Variants in SOX5 observed in about 807,000 individuals in gnomAD.
The protein encoded by SOX5 is transcription factor SOX-5.
In SOX5, 9 loss-of-function variants were observed where a neutral mutation model predicts 92.0. That is an observed-to-expected ratio of 0.10 (90% CI 0.06 to 0.17). The LOEUF is 0.17. Among genes scored for constraint, SOX5 ranks in the 10% least tolerant of loss-of-function variants. SOX5 has a pLI of 1.00. For missense variants in SOX5, 642 were observed against 944.5 expected, an observed-to-expected ratio of 0.68 and a Z score of 4.20; for synonymous variants, 344 against 336.3, an observed-to-expected ratio of 1.02 and a Z score of -0.25.
chr12:24,268,308 GA>G (rs1943271135), intron 3 of SOX5, among the ~76,000 whole-genome samples: 1 of 151,968 alleles, frequency 6.6e-6, no homozygotes, highest in Non-Finnish European at 1.5e-5. Flanking sequence ...GTTGTGTTAA[GA>G]AAAAAATTAT....
At chr12:23,901,507 C>G (rs2097232716) in intron 1 of SOX5, among the ~76,000 whole-genome samples, 1 of 152,210 alleles carries the variant, frequency 6.6e-6, no homozygotes, top group Non-Finnish European at 1.5e-5. Context: ...CTACCCTAGA[C>G]ATAACGCTTG....
chr12:24,217,982 C>T (rs1959433398), intron 3 of SOX5, among the ~76,000 whole-genome samples: 1 of 152,098 alleles, frequency 6.6e-6, no homozygotes, highest in African/African-American at 2.4e-5. Flanking sequence ...ATTACAAGCA[C>T]TGGTGAGGCT....
chr12:24,273,665 A>G (rs1380342284), intron 3 of SOX5, among the ~76,000 whole-genome samples: 1 of 152,110 alleles, frequency 6.6e-6, no homozygotes, highest in African/African-American at 2.4e-5. Flanking sequence ...TCTTTGTTGT[A>G]CGACTGTTTT....
At chr12:23,563,708 T>C (rs1484194793) in intron 10 of SOX5, among the ~76,000 whole-genome samples, 1 of 152,232 alleles carries the variant, frequency 6.6e-6, no homozygotes, top group African/African-American at 2.4e-5. Context: ...CTTTAGTTAT[T>C]ATTCGAATAT....
At chr12:23,813,375 T>A (rs2095914631) in intron 3 of SOX5, among the ~76,000 whole-genome samples, 1 of 152,104 alleles carries the variant, frequency 6.6e-6, no homozygotes, top group African/African-American at 2.4e-5. Flanking sequence ...CCAGCAGCCA[T>A]CTGTCTCAGC....
chr12:24,429,135 G>C (rs1439170223), intron 1 of SOX5, among the ~76,000 whole-genome samples: 1 of 151,996 alleles, frequency 6.6e-6, no homozygotes, highest in African/African-American at 2.4e-5. Flanking sequence ...GGCTAACACG[G>C]TGAAACCCTG....
chr12:23,666,544 A>T (rs2083843723), intron 6 of SOX5, among the ~76,000 whole-genome samples: 1 of 152,174 alleles, frequency 6.6e-6, no homozygotes, highest in Non-Finnish European at 1.5e-5. Context: ...CGCTGGTGAA[A>T]ATGATTATTG....
intron 1 of SOX5, among the ~76,000 whole-genome samples, chr12:24,375,692 C>T (rs34891086): frequency 8.8e-5 from 13 of 147,374 alleles, no homozygotes; most frequent in Non-Finnish European, 1.8e-4. Context: ...GGCAAGATCA[C>T]GCCATTGCAC....
Position 24,465,026 on chromosome 12 carries a change from A to G in SOX5, c.-250-96387T>C, listed in dbSNP as rs143717658. Among the ~76,000 whole-genome samples, 17 of 152,352 alleles carry G rather than the reference A, an allele frequency of 1.1e-4. No individual in the cohort carries two copies. In the East Asian group the frequency reaches 2.7e-3, roughly 24 times the overall value. ...GATGGTGATAGTGCTCATCGGGATG[A>G]TGACAGAGATGATGACAATGATGTT... On this transcript the variant is annotated intron_variant, in intron 1 of 4. Coordinates refer to the SOX5 transcript ENST00000446891.
chr12:23,767,310 T>C (rs2094770208), intron 3 of SOX5, among the ~76,000 whole-genome samples: 1 of 151,950 alleles, frequency 6.6e-6, no homozygotes, highest in African/African-American at 2.4e-5. Context: ...TTTATGTAAG[T>C]TGCAAACAGA....
intron 1 of SOX5, 115 bp from the exon 2 acceptor site, chr12:23,896,139 A>C (rs1943377035): frequency 5.7e-6 from 4 of 705,838 alleles, no homozygotes; most frequent in East Asian, 2.6e-5. Flanking sequence ...AGCAGAGAGC[A>C]GGAAACCATC....
intron 4 of SOX5, among the ~76,000 whole-genome samples, chr12:24,037,974 C>A (rs1160310798): frequency 6.6e-6 from 1 of 152,132 alleles, no homozygotes; most frequent in Non-Finnish European, 1.5e-5. Context: ...ATGAATCATG[C>A]ATGTAAATAT....
chr12:23,653,193 AC>A (rs2081905273), intron 7 of SOX5, among the ~76,000 whole-genome samples: 1 of 151,624 alleles, frequency 6.6e-6, no homozygotes, highest in Admixed American at 6.6e-5. Flanking sequence ...TCAAAGTACT[AC>A]TCACTTGTCA....
chr12:24,072,757 T>C (rs1030229872), intron 4 of SOX5, among the ~76,000 whole-genome samples: 1 of 152,250 alleles, frequency 6.6e-6, no homozygotes, highest in African/African-American at 2.4e-5. Flanking sequence ...GTGTCTCACA[T>C]GCCTTAAAAA....
intron 4 of SOX5, among the ~76,000 whole-genome samples, chr12:24,036,328 T>A (rs1298894015): frequency 6.6e-6 from 1 of 152,128 alleles, no homozygotes; most frequent in African/African-American, 2.4e-5. Flanking sequence ...TAAATGATAA[T>A]TAATGCCATT....
intron 5 of SOX5, among the ~76,000 whole-genome samples, chr12:23,739,594 C>T (rs1191494353): frequency 6.6e-6 from 1 of 152,190 alleles, no homozygotes; most frequent in Non-Finnish European, 1.5e-5. Context: ...TGCATATGTT[C>T]ATTTTCCTTT....
intron 3 of SOX5, among the ~76,000 whole-genome samples, chr12:24,214,220 C>G (rs959458062): frequency 3.3e-5 from 5 of 151,868 alleles, no homozygotes; most frequent in African/African-American, 1.2e-4. Context: ...AAAATACCAA[C>G]AATAGAAAGA....
intron 9 of SOX5, among the ~76,000 whole-genome samples, chr12:23,592,191 T>C (rs1430321026): frequency 6.6e-6 from 1 of 152,192 alleles, no homozygotes; most frequent in Non-Finnish European, 1.5e-5. Flanking sequence ...TTGGTATTGG[T>C]AAAAAATTTG....
At position 24,010,939 on chromosome 12, in the gene SOX5, C is replaced by CA. The variant is rs781273458; in HGVS notation, c.-1-114916dup. On this transcript the variant is annotated intron_variant, in intron 4 of 4. Coordinates refer to the SOX5 transcript ENST00000446891. ...GGGTGACAGAGCCATGCTCCATTTC[C>CA]AAAAAAAAAAAAAGAATAATATTCT... Among the ~76,000 whole-genome samples, 242 of 127,534 alleles carry CA rather than the reference C, an allele frequency of 1.9e-3. 1 individual carries two copies. Among genetic ancestry groups the CA allele is most frequent in the Middle Eastern group, 0.016 (4 of 246 alleles). 83.7% of individuals were successfully genotyped at this position (127,534 alleles called of 152,430 possible). A position where few individuals can be genotyped will look rare whatever the true frequency, so the allele number is the denominator to read the frequency against.
Sources: gnomAD v4.1 joint callset for allele counts (sites outside exome capture counted in the v4.1 genomes callset) on GRCh38, gnomAD v4.1.1 for gene constraint, MANE v1.5 for transcripts, NCBI Gene and HGNC (gene_info 2026-07-23, HGNC 2026-07-21) for gene names.